Variants in THEMIS observed in about 807,000 individuals in gnomAD.
THEMIS encodes protein THEMIS.
A neutral mutation model predicts 52.6 loss-of-function variants in THEMIS; 37 were observed. The ratio of observed to expected loss-of-function variants is 0.70; its 90% CI spans 0.54 to 0.93. The LOEUF is 0.93. THEMIS is among the 40% of genes least tolerant of loss of function. THEMIS has a pLI of 0.00. For missense variants in THEMIS, 808 were observed against 763.1 expected (o/e 1.06, Z -0.69); for synonymous variants, 292 against 272.7 (o/e 1.07, Z -0.70).
intron 4 of THEMIS, among the ~76,000 whole-genome samples, chr6:127,754,311 A>T (rs1390871400): frequency 6.6e-6 from 1 of 152,146 alleles, no homozygotes; most frequent in African/African-American, 2.4e-5. Context: ...CTTTAACACA[A>T]ATAATATTTT....
chr6:127,731,598 A>G (rs1774797862), intron 4 of THEMIS, among the ~76,000 whole-genome samples: 1 of 150,868 alleles, frequency 6.6e-6, no homozygotes, highest in Non-Finnish European at 1.5e-5. Context: ...AAAAAAAAAA[A>G]GGTTCTAATT....
chr6:127,745,269 C>A (rs573309018), intron 4 of THEMIS, among the ~76,000 whole-genome samples: 2 of 151,662 alleles, frequency 1.3e-5, no homozygotes, highest in Non-Finnish European at 3.0e-5. Flanking sequence ...GGAAAATATG[C>A]CTAAGCAATT....
chr6:127,792,060 T>C (rs574596434), intron 4 of THEMIS, among the ~76,000 whole-genome samples: 1 of 152,250 alleles, frequency 6.6e-6, no homozygotes, highest in East Asian at 1.9e-4. Context: ...CTCCTCCAAC[T>C]TGGAAGGGGG....
intron 1 of THEMIS, among the ~76,000 whole-genome samples, chr6:127,889,395 G>A (rs962436334): frequency 6.6e-5 from 10 of 151,980 alleles, no homozygotes; most frequent in Admixed American, 5.2e-4. Flanking sequence ...AACTGAAGAG[G>A]ACAAGATAGC....
chr6:127,816,497 G>C (rs1303600888), intron 3 of THEMIS, among the ~76,000 whole-genome samples: 1 of 152,084 alleles, frequency 6.6e-6, no homozygotes, highest in East Asian at 1.9e-4. Context: ...TGTCTTCCCA[G>C]ACTCAGCTAT....
intron 4 of THEMIS, among the ~76,000 whole-genome samples, chr6:127,768,957 T>C (rs896633442): frequency 6.6e-6 from 1 of 152,206 alleles, no homozygotes; most frequent in Admixed American, 6.5e-5. Flanking sequence ...TGAGACAACA[T>C]AGTGTTGAGC....
chr6:127,891,348 T>C (rs538299478), intron 1 of THEMIS, among the ~76,000 whole-genome samples: 9 of 151,824 alleles, frequency 5.9e-5, no homozygotes, highest in Non-Finnish European at 1.2e-4. Context: ...CTGATCAATA[T>C]GGTGAAATCC....
chr6:127,705,027 C>G (rs926619170), downstream of THEMIS, among the ~76,000 whole-genome samples: 6 of 152,126 alleles, frequency 3.9e-5, no homozygotes, highest in African/African-American at 4.8e-5. Context: ...TGGTTGTCCA[C>G]TTTGTGTGTA....
chr6:127,800,044 A>T (rs552432317), intron 4 of THEMIS, among the ~76,000 whole-genome samples: 19 of 152,344 alleles, frequency 1.2e-4, no homozygotes, highest in African/African-American at 4.3e-4. Context: ...TTCATTATTT[A>T]TACCTGAAAA....
In THEMIS at chr6:127,892,080, C is replaced by T. The variant is rs73773934; in HGVS notation, c.91+8762G>A. 5.3e-5 allele frequency among the ~76,000 whole-genome samples: 8 copies of T among 152,248 alleles called. 1 individual carries two copies. Among genetic ancestry groups the T allele is most frequent in the Middle Eastern group, 6.8e-3 (2 of 292 alleles). ...TGACCACATTAGTTTACAGGTCCTACGGGTTTCCCAGCCCCACTCTGTACC... is the reference window on the plus strand; with the variant it reads ...TGACCACATTAGTTTACAGGTCCTATGGGTTTCCCAGCCCCACTCTGTACC... On this transcript the variant is annotated intron_variant, in intron 1 of 5. Coordinates refer to ENST00000368248, the MANE Select transcript of THEMIS (RefSeq NM_001010923.3).
intron 1 of THEMIS, among the ~76,000 whole-genome samples, chr6:127,876,990 G>T (rs1254078878): frequency 1.3e-5 from 2 of 152,024 alleles, no homozygotes; most frequent in African/African-American, 4.8e-5. Flanking sequence ...GTTTCTCAGT[G>T]CATATAAAAA....
chr6:127,831,225 C>G (rs1226436912), intron 2 of THEMIS, among the ~76,000 whole-genome samples: 2 of 152,112 alleles, frequency 1.3e-5, no homozygotes, highest in Admixed American at 1.3e-4. Context: ...TAAAATTTTA[C>G]TACTTAAGAT....
At chr6:127,906,445 T>A (rs1254279968) in intron 1 of THEMIS, among the ~76,000 whole-genome samples, 1 of 151,962 alleles carries the variant, frequency 6.6e-6, no homozygotes, top group African/African-American at 2.4e-5. Flanking sequence ...ATTCATACTG[T>A]TAATGGTGCA....
intron 2 of THEMIS, among the ~76,000 whole-genome samples, chr6:127,843,361 A>G (rs1779114186): frequency 6.6e-6 from 1 of 151,816 alleles, no homozygotes; most frequent in Non-Finnish European, 1.5e-5. Context: ...TATTTCCAAT[A>G]CTGTACCATT....
downstream of THEMIS, among the ~76,000 whole-genome samples, chr6:127,704,882 C>T (rs1180216145): frequency 6.6e-6 from 1 of 152,176 alleles, no homozygotes; most frequent in Non-Finnish European, 1.5e-5. Flanking sequence ...GAAGTGGATC[C>T]ATTCATGTAT....
intron 2 of THEMIS, among the ~76,000 whole-genome samples, chr6:127,844,019 T>G (rs1226003170): frequency 6.6e-6 from 1 of 152,006 alleles, no homozygotes; most frequent in African/African-American, 2.4e-5. Flanking sequence ...CTCAACCTCA[T>G]AAATTATGTG....
chr6:127,735,344 T>C (rs1774969397), intron 4 of THEMIS, among the ~76,000 whole-genome samples: 1 of 152,094 alleles, frequency 6.6e-6, no homozygotes, highest in South Asian at 2.1e-4. Context: ...TGTCTGTGTG[T>C]GTATGTTGAC....
At chr6:127,795,624 G>A (rs1383149971) in intron 4 of THEMIS, among the ~76,000 whole-genome samples, 8 of 152,120 alleles carry the variant, frequency 5.3e-5, no homozygotes, top group African/African-American at 1.7e-4. Flanking sequence ...CACCGCGCCC[G>A]GCCACCAGAC....
rs930088746 is a variant in THEMIS, at chr6:127,777,302, C to T, written c.1758+35581G>A. On this transcript the variant is annotated intron_variant, in intron 4 of 5. Coordinates refer to ENST00000368248, the MANE Select transcript of THEMIS (RefSeq NM_001010923.3). ...CTACACAATTATCTTATTAGTGTTA[C>T]CTCATTTATCTACTTTTAGAGGTTG... Among the ~76,000 whole-genome samples the T allele has an allele frequency of 2.6e-5, 4 of 151,558 alleles. No homozygotes were observed. The East Asian group carries it at 7.8e-4, about 29-fold the overall frequency.
Sources: gnomAD v4.1 joint callset for allele counts (sites outside exome capture counted in the v4.1 genomes callset) on GRCh38, gnomAD v4.1.1 for gene constraint, MANE v1.5 for transcripts, NCBI Gene and HGNC (gene_info 2026-07-23, HGNC 2026-07-21) for gene names.